PHF8: variants seen among roughly 807,000 people sequenced by gnomAD.
PHF8 encodes PHD finger protein 8.
In PHF8, 9 loss-of-function variants were observed where a neutral mutation model predicts 74.4. The observed-to-expected ratio is 0.12, with a 90% CI of 0.07 to 0.21. The LOEUF (loss-of-function observed/expected upper bound fraction) is 0.21, where lower values mean the gene tolerates loss of function less well. Ranked by LOEUF, PHF8 falls within the 10% of genes least tolerant of loss-of-function variation. PHF8 has a pLI of 1.00. For missense variants in PHF8, 478 were observed against 816.6 expected, an observed-to-expected ratio of 0.59 and a Z score of 5.05; for synonymous variants, 311 against 316.6, an observed-to-expected ratio of 0.98 and a Z score of 0.19.
At chrX:53,968,062 C>G (rs1282166748) in intron 18 of PHF8, among the ~76,000 whole-genome samples, 1 of 103,478 alleles carries the variant, frequency 9.7e-6, no homozygotes, top group Non-Finnish European at 2.0e-5. Context: ...CACTATTGTC[C>G]TATGACCCTG....
At chrX:53,989,219 C>T (rs2065620833) in intron 14 of PHF8, among the ~76,000 whole-genome samples, 1 of 111,073 alleles carries the variant, frequency 9.0e-6, no homozygotes, top group South Asian at 3.8e-4. Flanking sequence ...CCCTGGCCTC[C>T]CAAAGTGTTG....
intron 18 of PHF8, among the ~76,000 whole-genome samples, chrX:53,964,727 C>T (rs930706904): frequency 9.1e-6 from 1 of 109,788 alleles, no homozygotes. Context: ...AGTAGCTGGG[C>T]GTGGTGGCGC....
chrX:53,966,402 T>C (rs1265608889), intron 18 of PHF8, among the ~76,000 whole-genome samples: 1 of 112,648 alleles, frequency 8.9e-6, no homozygotes, highest in African/African-American at 3.2e-5. Context: ...TGACTGGTTT[T>C]CGTATTTTTT....
chrX:54,042,941 T>C, intron 1 of PHF8, 121 bp from the exon 2 acceptor site: 1 of 581,471 alleles, frequency 1.7e-6, no homozygotes, highest in Non-Finnish European at 2.5e-6. Context: ...GGTGCGGCTG[T>C]AGGGGGCAAC....
intron 10 of PHF8, 105 bp from the exon 11 acceptor site, chrX:54,000,066 G>C (rs1557103896): frequency 3.7e-6 from 2 of 533,943 alleles, no homozygotes; most frequent in Admixed American, 5.3e-5. Flanking sequence ...AAGGTTCTGA[G>C]CACAACTGCA....
chrX:53,958,300 A>G (rs898018506), intron 19 of PHF8, among the ~76,000 whole-genome samples: 1 of 107,542 alleles, frequency 9.3e-6, no homozygotes, highest in Admixed American at 1.0e-4. Flanking sequence ...CTGGCCTCCC[A>G]AAGTGTTGGG....
chrX:53,959,968 G>C (rs1158789914), intron 19 of PHF8, among the ~76,000 whole-genome samples: 1 of 110,115 alleles, frequency 9.1e-6, no homozygotes, highest in African/African-American at 3.3e-5. Context: ...AGTTTTGGAG[G>C]CATCTACCAG....
chrX:53,967,559 C>G (rs2065228219), intron 18 of PHF8, among the ~76,000 whole-genome samples: 1 of 112,982 alleles, frequency 8.9e-6, no homozygotes, highest in African/African-American at 3.2e-5. Context: ...GCCCGGCCGC[C>G]CCTACTGGGA....
chrX:53,938,081 A>T lies in PHF8; in HGVS notation c.*1077T>A. On this transcript the variant is annotated 3_prime_UTR_variant, in exon 22 of 22. Transcript: ENST00000338154. ...TCGTCTGGAAGTGCAAAGGCCCAGG[A>T]GTGAAGATGTGAGTCCTGAGGTCTT... 8.6e-7 allele frequency: 1 copy of T among 1,161,073 alleles called. No homozygotes were observed. Among genetic ancestry groups the T allele is most frequent in the Non-Finnish European group, 1.2e-6 (1 of 869,037 alleles).
chrX:53,943,551 A>C, intron 20 of PHF8: 2 of 489,417 alleles, frequency 4.1e-6, no homozygotes, highest in Non-Finnish European at 3.1e-6. Flanking sequence ...CGGGATATTG[A>C]TTGCAAGATA....
chrX:54,021,228 G>A (rs1307626609), intron 4 of PHF8, among the ~76,000 whole-genome samples: 2 of 110,787 alleles, frequency 1.8e-5, no homozygotes, highest in African/African-American at 6.6e-5. Flanking sequence ...TTTTAAGTAG[G>A]AGCTAAACAT....
chrX:53,993,711 G>A lies in PHF8; in HGVS notation c.1516C>T (p.Arg506Ter), dbSNP rs1311403191. ...KPKELFKKAE[R>*]KGKESSALGP... The stretch of plus-strand genomic sequence containing the variant: ...AAGGCTGAACTCTCCTTGCCCTTTC[G>A]CTCTGCCTTCTTGAAGAGTTCCTTG... The change falls in exon 13 of 22, where the codon CGA becomes TGA. Residue 506 changes from arginine to a stop codon, truncating the protein, a stop_gained. Coordinates refer to ENST00000338154, the MANE Select transcript of PHF8 (RefSeq NM_015107.3). LOFTEE classifies it high-confidence loss of function. 2 of 1,209,473 alleles carry A rather than the reference G, an allele frequency of 1.7e-6. No individual in the cohort carries two copies. Among genetic ancestry groups the A allele is most frequent in the Non-Finnish European group, 2.2e-6 (2 of 894,017 alleles).
chrX:54,045,038 C>A (rs979840931), upstream of PHF8: 14 of 537,825 alleles, frequency 2.6e-5, no homozygotes, highest in Non-Finnish European at 4.0e-5. Context: ...GGACGTTGAA[C>A]CTTGTGCCCT....
At chrX:53,983,174 C>CA (rs782226902) in intron 18 of PHF8, among the ~76,000 whole-genome samples, 11,145 of 51,963 alleles carry the variant, frequency 0.21, 933 homozygotes, top group African/African-American at 0.38. Context: ...GACTGTGTCT[C>CA]AAAAAAAAAA....
intron 19 of PHF8, among the ~76,000 whole-genome samples, chrX:53,950,294 G>T (rs782534226): frequency 1.3e-3 from 143 of 111,612 alleles, no homozygotes; most frequent in Non-Finnish European, 1.9e-3. Flanking sequence ...GTTTAAAAAA[G>T]AATTTTAAAG....
intron 16 of PHF8, 94 bp downstream of exon 16, chrX:53,986,984 T>C (rs782432826): frequency 5.5e-6 from 3 of 549,447 alleles, no homozygotes; most frequent in Admixed American, 2.6e-5. Flanking sequence ...AAAGGATGTC[T>C]TCCTCCCTGC....
At position 54,019,994 on chromosome X, in the gene PHF8, G is replaced by A. The variant is rs1261005779; in HGVS notation, c.294-2173C>T. The stretch of plus-strand genomic sequence containing the variant: ...GAAGTCAGGAGTTCAAGACCAGCCT[G>A]GCCAACATGGTAAAAACCCCGTCTC... On this transcript the variant is annotated intron_variant, in intron 4 of 21. Coordinates refer to ENST00000338154, the MANE Select transcript of PHF8 (RefSeq NM_015107.3). Among the ~76,000 whole-genome samples the A allele has an allele frequency of 2.7e-5, 3 of 109,612 alleles. No homozygotes were observed. In the Admixed American group the frequency reaches 3.0e-4, roughly 11 times the overall value.
At chrX:53,951,748 G>T (rs989421983) in intron 19 of PHF8, among the ~76,000 whole-genome samples, 1 of 110,251 alleles carries the variant, frequency 9.1e-6, no homozygotes, top group Non-Finnish European at 1.9e-5. Context: ...CACTGTGCCC[G>T]GCCAACGACA....
intron 18 of PHF8, among the ~76,000 whole-genome samples, chrX:53,975,656 T>C (rs949742269): frequency 8.9e-6 from 1 of 112,192 alleles, no homozygotes; most frequent in African/African-American, 3.2e-5. Context: ...CTCACTCATA[T>C]GTGAGAGCTA....
Sources: gnomAD v4.1 joint callset for allele counts (sites outside exome capture counted in the v4.1 genomes callset) on GRCh38, gnomAD v4.1.1 for gene constraint, MANE v1.5 for transcripts, NCBI Gene and HGNC (gene_info 2026-07-23, HGNC 2026-07-21) for gene names.